The following TUBG1 variants were observed in gnomAD, a reference collection of about 807,000 sequenced individuals.
TUBG1 encodes the protein tubulin gamma-1 chain.
A neutral mutation model predicts 53.3 loss-of-function variants in TUBG1; 22 were observed. The ratio of observed to expected loss-of-function variants is 0.41; its 90% CI spans 0.29 to 0.59. The LOEUF (loss-of-function observed/expected upper bound fraction) is 0.59, where lower values mean the gene tolerates loss of function less well. TUBG1 is among the 20% of genes least tolerant of loss of function. The pLI is 0.26. For missense variants in TUBG1, 217 were observed against 598.9 expected (o/e 0.36, Z 6.66); for synonymous variants, 198 against 236.7 (o/e 0.84, Z 1.50).
intron 4 of TUBG1, 81 bp from the exon 5 acceptor site, chr17:42,612,346 G>A (rs2052042973): frequency 6.6e-7 from 1 of 1,506,390 alleles, no homozygotes; most frequent in Non-Finnish European, 9.2e-7. Flanking sequence ...GAAAATGGGA[G>A]TCCTAAAAAA....
chr17:42,613,765 T>G (rs1474924325), intron 7 of TUBG1, 32 bp downstream of exon 7: 9 of 1,614,174 alleles, frequency 5.6e-6, no homozygotes, highest in Middle Eastern at 1.6e-4. Flanking sequence ...CCTTTGGACT[T>G]GAAGCCCTCC....
In TUBG1 at chr17:42,610,103, C is replaced by T. The variant is rs1329369752; in HGVS notation, c.50-5C>T. On this transcript the variant is annotated splice_region_variant and splice_polypyrimidine_tract_variant and intron_variant, in intron 1 of 10. Coordinates refer to ENST00000251413, the MANE Select transcript of TUBG1 (RefSeq NM_001070.5). ...CTTTCTCCCCTGCCCGCCCCTTCCC[C>T]CCAGTTGGGTTCGAGTTCTGGAAAC... 3.7e-6 allele frequency: 6 copies of T among 1,614,104 alleles called. No homozygotes were observed. The African/African-American group carries it at 8.0e-5, about 22-fold the overall frequency.
rs2093177342 is a variant in TUBG1, at chr17:42,609,718, A to G, written c.-20A>G. ...GCCGTTGCGGGCGGGAGCGGCTGCA[A>G]CGCCGGTGCCTGAGGAGCGATGCCG... is the stretch of plus-strand genomic sequence containing the variant. On this transcript the variant is annotated 5_prime_UTR_variant, in exon 1 of 11. Transcript: ENST00000251413. 1.3e-6 allele frequency: 2 copies of G among 1,545,874 alleles called. No individual in the cohort carries two copies. Among genetic ancestry groups the G allele is most frequent in the Admixed American group, 2.0e-5 (1 of 49,458 alleles).
intron 1 of TUBG1, 68 bp from the exon 2 acceptor site, chr17:42,610,040 C>A (rs563572208): frequency 7.0e-6 from 11 of 1,571,658 alleles, no homozygotes; most frequent in Non-Finnish European, 9.6e-6. Flanking sequence ...CCCAGTCCCC[C>A]GGCTCCTGAT....
In TUBG1 at chr17:42,614,451, G is replaced by T; in HGVS notation, c.996+39G>T. Reference sequence around the variant, plus strand: ...CTTCATCCCACACCCTGGACCTGCAGGGGTAGAGGAGAGGCCACCTCCACT... The same window carrying T: ...CTTCATCCCACACCCTGGACCTGCATGGGTAGAGGAGAGGCCACCTCCACT... On this transcript the variant is annotated intron_variant, in intron 9 of 10. Coordinates refer to ENST00000251413, the MANE Select transcript of TUBG1 (RefSeq NM_001070.5). The surrounding 1 kb of genome is among the most constrained non-coding windows in gnomAD (Gnocchi z 5.1). The T allele has an allele frequency of 6.2e-7, 1 of 1,614,110 alleles. No homozygotes were observed. The highest frequency in any genetic ancestry group is 8.5e-7 in the Non-Finnish European group (1 of 1,180,006).
chr17:42,612,050 C>T (rs745498240), intron 3 of TUBG1, 25 bp from the exon 4 acceptor site: 2 of 1,613,188 alleles, frequency 1.2e-6, no homozygotes, highest in East Asian at 2.2e-5. Flanking sequence ...CTGTCCCACT[C>T]TGACCCTCCC....
At chr17:42,613,146 G>A (rs982484340) in intron 6 of TUBG1, 73 bp downstream of exon 6, 4 of 1,556,738 alleles carry the variant, frequency 2.6e-6, no homozygotes, top group Non-Finnish European at 3.5e-6. Flanking sequence ...TCATTTTCAT[G>A]TATTTAAAAA....
rs1398878529 is a variant in TUBG1 at position 42,609,749 on chromosome 17, A to G, written c.12A>G (p.Glu4=). ...GTGCCTGAGGAGCGATGCCGAGGGA[A>G]ATCATCACCCTACAGTTGGGCCAGT... MPR[E]IITLQLGQCG... is the part of the protein sequence containing the mutation. The change falls in exon 1 of 11, where the codon GAA becomes GAG. Residue 4 remains glutamate (E), a synonymous_variant. Coordinates refer to ENST00000251413, the MANE Select transcript of TUBG1 (RefSeq NM_001070.5). 1 of 1,551,044 alleles carries G rather than the reference A, an allele frequency of 6.4e-7. No individual in the cohort carries two copies. The highest frequency in any genetic ancestry group is 1.2e-5 in the South Asian group (1 of 84,036).
rs775800106 is a variant in TUBG1, at chr17:42,614,810, T to G, written c.1159-34T>G. ...TTCTGGGCCACGTTATTCTTTGAAG[T>G]TCTTTGTAACCCCTGTTTTCTGCAC... On this transcript the variant is annotated intron_variant, in intron 10 of 10. Transcript: ENST00000251413. This position sits in a 1 kb window ranked among gnomAD's most constrained non-coding sequence, Gnocchi z 5.1. The G allele has an allele frequency of 6.2e-7, 1 of 1,613,690 alleles. No homozygotes were observed. The highest frequency in any genetic ancestry group is 1.3e-5 in the African/African-American group (1 of 75,022).
chr17:42,614,656 C>T lies in TUBG1; in HGVS notation c.1157C>T (p.Ser386Leu). The part of the protein sequence containing the change: ...LMMANHTSIS[S>L]LFERTCRQYD... ...ATGGCCAACCACACCAGCATCTCCTCGGTGAGTCTCAAAGTTTGCACCTTT... is the reference window on the plus strand; with the variant it reads ...ATGGCCAACCACACCAGCATCTCCTTGGTGAGTCTCAAAGTTTGCACCTTT... The change falls in exon 10 of 11, where the codon TCG (serine) becomes TTG (leucine). Residue 386 changes from serine (S) to leucine (L), a missense_variant and splice_region_variant. Around this residue, in one of 4 missense-constraint regions of TUBG1, gnomAD observed 135 missense variants for 371.2 expected, o/e 0.36. Transcript: ENST00000251413. This position sits in a 1 kb window ranked among gnomAD's most constrained non-coding sequence, Gnocchi z 5.1. 14 of 1,613,972 alleles carry T rather than the reference C, an allele frequency of 8.7e-6. No homozygotes were observed. Among genetic ancestry groups the T allele is most frequent in the Non-Finnish European group, 1.1e-5 (13 of 1,179,876 alleles).
intron 1 of TUBG1, 104 bp downstream of exon 1, chr17:42,609,890 C>T (rs2052017662): frequency 2.1e-6 from 3 of 1,456,712 alleles, no homozygotes; most frequent in Non-Finnish European, 2.8e-6. Context: ...TCGTAGTTCT[C>T]TGAAAGGCGA....
Position 42,612,177 on chromosome 17 carries a change from A to G in TUBG1, c.399+34A>G, listed in dbSNP as rs112809304. ...CCCAGGAATGCTGGTAGGAGCCGACATGGGCAAGGCTTGGCAGCACCCTCT... is the reference window on the plus strand; with the variant it reads ...CCCAGGAATGCTGGTAGGAGCCGACGTGGGCAAGGCTTGGCAGCACCCTCT... On this transcript the variant is annotated intron_variant, in intron 4 of 10. Coordinates refer to ENST00000251413, the MANE Select transcript of TUBG1 (RefSeq NM_001070.5). The G allele has an allele frequency of 3.0e-3, 4,809 of 1,609,762 alleles. 142 individuals are homozygous for G. In the African/African-American group the frequency reaches 0.056, roughly 19 times the overall value.
chr17:42,612,350 TA>T, intron 4 of TUBG1, 76 bp from the exon 5 acceptor site: 1 of 1,539,974 alleles, frequency 6.5e-7, no homozygotes, highest in Non-Finnish European at 8.9e-7. Flanking sequence ...ATGGGAGTCC[TA>T]AAAAACTATG....
rs2052023877 is a variant in TUBG1, at chr17:42,610,542, G to A, written c.282G>A (p.Ser94=). 1.2e-6 allele frequency: 2 copies of A among 1,614,092 alleles called. No homozygotes were observed. Among genetic ancestry groups the A allele is most frequent in the Non-Finnish European group, 8.5e-7 (1 of 1,179,992 alleles). ...ACAACCCAGAGAACATCTACCTGTC[G>A]GAACATGGAGGAGGAGCTGGCAACA... The part of the protein sequence containing the change: ...KLYNPENIYL[S]EHGGGAGNNW... The change falls in exon 3 of 11, where the codon TCG becomes TCA. Residue 94 remains serine, a synonymous_variant. Transcript: ENST00000251413.
At position 42,614,793 on chromosome 17, in the gene TUBG1, C is replaced by T. The variant is rs370907144; in HGVS notation, c.1159-51C>T. On this transcript the variant is annotated intron_variant, in intron 10 of 10. Transcript: ENST00000251413. This position sits in a 1 kb window ranked among gnomAD's most constrained non-coding sequence, Gnocchi z 5.1. ...GCCTTGGTTCCCCAGCTTTCTGGGCCACGTTATTCTTTGAAGTTCTTTGTA... is the reference window on the plus strand; with the variant it reads ...GCCTTGGTTCCCCAGCTTTCTGGGCTACGTTATTCTTTGAAGTTCTTTGTA... 3 of 1,611,950 alleles carry T rather than the reference C, an allele frequency of 1.9e-6. No individual in the cohort carries two copies. Among genetic ancestry groups the T allele is most frequent in the Non-Finnish European group, 2.5e-6 (3 of 1,178,564 alleles).
rs2052066859 is a variant in TUBG1, at chr17:42,615,152, A to G, written c.*111A>G. On this transcript the variant is annotated 3_prime_UTR_variant, in exon 11 of 11. Coordinates refer to ENST00000251413, the MANE Select transcript of TUBG1 (RefSeq NM_001070.5). The stretch of plus-strand genomic sequence containing the variant: ...GACCTCACGCATCTCTTTCTCATAT[A>G]CATGGACTCTCTGTTGGCCTGCAAA... The G allele has an allele frequency of 3.0e-6, 3 of 991,414 alleles. No homozygotes were observed. The highest frequency in any genetic ancestry group is 4.5e-6 in the Non-Finnish European group (3 of 660,830). The allele number at this position is 991,414 out of a possible 1,614,324, so 61.4% of individuals were successfully genotyped here.
rs775352929 is a variant in TUBG1 at position 42,614,301 on chromosome 17, G to A, written c.885G>A (p.Arg295=). ...VRKTTVLDVM[R]RLLQPKNVMV... Reference sequence around the variant, plus strand: ...AGACCACGGTCCTGGATGTCATGAGGCGGCTGCTGCAGCCCAAGAACGTGA... The same window carrying A: ...AGACCACGGTCCTGGATGTCATGAGACGGCTGCTGCAGCCCAAGAACGTGA... Residue 295 remains arginine, a synonymous_variant, in exon 9 of 11, where the codon AGG becomes AGA. Coordinates refer to ENST00000251413, the MANE Select transcript of TUBG1 (RefSeq NM_001070.5). The surrounding 1 kb of genome is among the most constrained non-coding windows in gnomAD (Gnocchi z 5.1). 1 of 1,613,952 alleles carries A rather than the reference G, an allele frequency of 6.2e-7. No individual in the cohort carries two copies. Among genetic ancestry groups the A allele is most frequent in the South Asian group, 1.1e-5 (1 of 91,076 alleles).
rs974837987 is a variant in TUBG1, at chr17:42,614,113, G to A, written c.843+115G>A. 3.1e-5 allele frequency: 49 copies of A among 1,585,232 alleles called. No individual in the cohort carries two copies. Among genetic ancestry groups the A allele is most frequent in the Middle Eastern group, 1.7e-4 (1 of 5,892 alleles). ...AGCTACCCTTTGTGGACCCCAAGGCGCGGCGCTCAGGGACTGGCACAGAGT... is the reference window on the plus strand; with the variant it reads ...AGCTACCCTTTGTGGACCCCAAGGCACGGCGCTCAGGGACTGGCACAGAGT... On this transcript the variant is annotated intron_variant, in intron 8 of 10. Coordinates refer to ENST00000251413, the MANE Select transcript of TUBG1 (RefSeq NM_001070.5). The surrounding 1 kb of genome is among the most constrained non-coding windows in gnomAD (Gnocchi z 5.1).
chr17:42,612,995 C>A lies in TUBG1; in HGVS notation c.528C>A (p.Asp176Glu). The A allele has an allele frequency of 6.2e-7, 1 of 1,614,138 alleles. No individual in the cohort carries two copies. Among genetic ancestry groups the A allele is most frequent in the Non-Finnish European group, 8.5e-7 (1 of 1,180,016 alleles). ...CATACTCAGTGTTTCCCAACCAGGA[C>A]GAGATGAGCGATGTGGTGGTCCAGC... Reference protein sequence around the residue: ...VQTYSVFPNQDEMSDVVVQPY... With the variant: ...VQTYSVFPNQEEMSDVVVQPY... The change falls in exon 6 of 11, where the codon GAC (aspartate) becomes GAA (glutamate). Residue 176 changes from aspartate (D) to glutamate (E), a missense_variant. By Grantham distance (45) the Asp-to-Glu change is conservative (BLOSUM62 2). Around this residue, in one of 4 missense-constraint regions of TUBG1, gnomAD observed 135 missense variants for 371.2 expected, o/e 0.36. Transcript: ENST00000251413.
Sources: allele counts gnomAD v4.1 joint callset, GRCh38; gene constraint gnomAD v4.1.1; regional missense constraint gnomAD v4.1.1; non-coding constraint Gnocchi (gnomAD v3.1); transcripts MANE v1.5; gene names NCBI Gene and HGNC (gene_info 2026-07-23, HGNC 2026-07-21).